Variants in OSBPL9 observed in about 807,000 individuals in gnomAD.
The protein encoded by OSBPL9 is oxysterol-binding protein-related protein 9.
OSBPL9 carries 40 observed loss-of-function variants against 106.6 expected under a neutral mutation model. The ratio of observed to expected loss-of-function variants is 0.38; its 90% CI spans 0.29 to 0.49. OSBPL9 has a LOEUF of 0.49. Among genes scored for constraint, OSBPL9 ranks in the 20% least tolerant of loss-of-function variants. The probability of loss-of-function intolerance (pLI) is 0.97; values close to 1 mark genes in which losing one functional copy is unlikely to be tolerated. For missense variants in OSBPL9, 609 were observed against 887.2 expected (o/e 0.69, Z 3.98); for synonymous variants, 269 against 295.4 (o/e 0.91, Z 0.92).
rs191004521 is a variant in OSBPL9, at chr1:51,683,436, T to C, written c.241+13924T>C. 2.7e-3 allele frequency among the ~76,000 whole-genome samples: 403 copies of C among 150,660 alleles called. 1 individual carries two copies. The highest frequency in any genetic ancestry group is 3.6e-3 in the Non-Finnish European group (246 of 67,654). ...CTTAGGTGATCCACCCACCTCAGCC[T>C]CCCAAAGTGCTGGCATTACAGGCAT... is the stretch of plus-strand genomic sequence containing the variant. On this transcript the variant is annotated intron_variant, in intron 3 of 23. Transcript: ENST00000428468.
intron 3 of OSBPL9, among the ~76,000 whole-genome samples, chr1:51,703,681 A>G (rs1226162260): frequency 6.6e-6 from 1 of 152,132 alleles, no homozygotes; most frequent in Non-Finnish European, 1.5e-5. Flanking sequence ...ACTATGTTGA[A>G]TAGGAGTGGT....
intron 22 of OSBPL9, 144 bp downstream of exon 22, chr1:51,786,761 T>A (rs771273395): frequency 3.3e-6 from 2 of 604,874 alleles, no homozygotes; most frequent in Non-Finnish European, 5.8e-6. Flanking sequence ...ATGTCAGAAC[T>A]ACCACTTACT....
the OSBPL9 span, among the ~76,000 whole-genome samples, chr1:51,539,983 A>G: frequency 6.6e-6 from 1 of 152,060 alleles, no homozygotes; most frequent in Non-Finnish European, 1.5e-5. Context: ...TGGCTTTCAC[A>G]CCGCAACCCC....
chr1:51,709,776 C>T, intron 3 of OSBPL9: 1 of 152,616 alleles, frequency 6.6e-6, no homozygotes, highest in Non-Finnish European at 1.5e-5. Context: ...GATGGTGATG[C>T]AGTCCAGGTG....
chr1:51,737,802 T>G (rs998799432), intron 4 of OSBPL9, among the ~76,000 whole-genome samples: 1 of 152,072 alleles, frequency 6.6e-6, no homozygotes, highest in Non-Finnish European at 1.5e-5. Context: ...AAAGGCAATT[T>G]GCTGGATTCT....
chr1:51,736,153 G>A (rs1284660768), intron 4 of OSBPL9, among the ~76,000 whole-genome samples: 1 of 152,200 alleles, frequency 6.6e-6, no homozygotes, highest in African/African-American at 2.4e-5. Context: ...GGTGGAGATA[G>A]TAGAGAATAA....
chr1:51,734,159 G>GGA (rs1007709928), intron 4 of OSBPL9, among the ~76,000 whole-genome samples: 5 of 152,206 alleles, frequency 3.3e-5, no homozygotes, highest in Admixed American at 1.3e-4. Context: ...TGCGCACGCA[G>GGA]GAGAGAGAGA....
chr1:51,606,137 C>T (rs1570540717), intron 2 of OSBPL9, among the ~76,000 whole-genome samples: 1 of 152,302 alleles, frequency 6.6e-6, no homozygotes, highest in East Asian at 1.9e-4. Context: ...TGTAGCAATC[C>T]AAGCATTAAA....
the OSBPL9 span, chr1:51,561,641 G>A: frequency 2.0e-5 from 3 of 152,128 alleles, no homozygotes; most frequent in East Asian, 1.9e-4. Context: ...TAGGAGACTC[G>A]CTAGTGAAAA....
chr1:51,586,122 C>A (rs879560981), intron 1 of OSBPL9, among the ~76,000 whole-genome samples: 2 of 147,242 alleles, frequency 1.4e-5, no homozygotes, highest in East Asian at 4.1e-4. Flanking sequence ...TGCAGTGAGC[C>A]GAGATCGTGC....
chr1:51,775,567 C>G (rs1444802250), intron 14 of OSBPL9, among the ~76,000 whole-genome samples: 1 of 152,094 alleles, frequency 6.6e-6, no homozygotes, highest in Non-Finnish European at 1.5e-5. Context: ...TTGTTATTCT[C>G]TCATACTTAC....
intron 1 of OSBPL9, among the ~76,000 whole-genome samples, chr1:51,585,955 T>A (rs1173270634): frequency 6.6e-6 from 1 of 151,622 alleles, no homozygotes; most frequent in African/African-American, 2.4e-5. Context: ...GGTGAATCAC[T>A]TGAGGTCAGG....
intron 4 of OSBPL9, chr1:51,730,119 C>T (rs1664044986): frequency 2.4e-6 from 3 of 1,249,208 alleles, no homozygotes; most frequent in Middle Eastern, 2.9e-4. Context: ...CCCGCCGCCC[C>T]CTGGGGTGAG....
chr1:51,711,480 CTCCCG>C, intron 3 of OSBPL9, among the ~76,000 whole-genome samples: 1 of 140,540 alleles, frequency 7.1e-6, no homozygotes, highest in African/African-American at 2.7e-5. Context: ...CCCCACCTCC[CTCCCG>C]GACGGGGCGG....
intron 8 of OSBPL9, among the ~76,000 whole-genome samples, chr1:51,754,788 C>G (rs1384861201): frequency 6.6e-6 from 1 of 152,150 alleles, no homozygotes; most frequent in Non-Finnish European, 1.5e-5. Context: ...TTCTCCCTCT[C>G]TCTTCTTTCT....
At chr1:51,550,661 C>T in the OSBPL9 span, among the ~76,000 whole-genome samples, 7 of 151,994 alleles carry the variant, frequency 4.6e-5, no homozygotes, top group East Asian at 1.9e-4. Context: ...TACAGGTGCC[C>T]GCCACCAAGC....
chr1:51,587,653 C>T (rs1349440125), intron 1 of OSBPL9, among the ~76,000 whole-genome samples: 5 of 152,188 alleles, frequency 3.3e-5, no homozygotes, highest in Non-Finnish European at 5.9e-5. Flanking sequence ...TCAACTTGCT[C>T]GCTCTTCTCA....
chr1:51,722,613 T>G (rs531491978), intron 4 of OSBPL9, among the ~76,000 whole-genome samples: 80 of 152,298 alleles, frequency 5.3e-4, no homozygotes, highest in African/African-American at 1.8e-3. Context: ...GAACAAGGCG[T>G]TGTGGGGTTG....
At chr1:51,519,408 C>T in the OSBPL9 span, 1 of 224,322 alleles carries the variant, frequency 4.5e-6, no homozygotes, top group East Asian at 7.5e-5. Flanking sequence ...GCCCGCCTGC[C>T]CGCCCGCCGG....
Sources: gnomAD v4.1 joint callset for allele counts (sites outside exome capture counted in the v4.1 genomes callset) on GRCh38, gnomAD v4.1.1 for gene constraint, MANE v1.5 for transcripts, NCBI Gene and HGNC (gene_info 2026-07-23, HGNC 2026-07-21) for gene names.